The following PTPRK variants were observed in gnomAD, a reference collection of about 807,000 sequenced individuals.
PTPRK encodes receptor-type tyrosine-protein phosphatase kappa.
A neutral mutation model predicts 178.0 loss-of-function variants in PTPRK; 75 were observed. The observed-to-expected ratio is 0.42, with a 90% CI of 0.35 to 0.51. PTPRK has a LOEUF of 0.51. PTPRK is among the 20% of genes least tolerant of loss of function. PTPRK has a pLI of 0.02. For synonymous variants in PTPRK, 637 were observed against 620.6 expected (o/e 1.03, Z -0.39); for missense variants, 1,441 against 1,797.8 (o/e 0.80, Z 3.59).
chr6:128,271,294 C>T (rs977058715), intron 3 of PTPRK, among the ~76,000 whole-genome samples: 1 of 152,116 alleles, frequency 6.6e-6, no homozygotes, highest in Admixed American at 6.6e-5. Flanking sequence ...ACTCCAGAGT[C>T]AGAGCAGTGA....
At chr6:128,122,056 C>T (rs1477596890) in intron 7 of PTPRK, among the ~76,000 whole-genome samples, 1 of 152,002 alleles carries the variant, frequency 6.6e-6, no homozygotes, top group Admixed American at 6.6e-5. Flanking sequence ...TTGTTGCTGC[C>T]ATCTGTTAAT....
intron 11 of PTPRK, among the ~76,000 whole-genome samples, chr6:128,069,459 T>C (rs1186955788): frequency 6.6e-6 from 1 of 152,160 alleles, no homozygotes; most frequent in Non-Finnish European, 1.5e-5. Flanking sequence ...AGAAAATACA[T>C]ACGCATAGCC....
chr6:128,518,979 C>T (rs931660379), intron 1 of PTPRK: 1 of 493,186 alleles, frequency 2.0e-6, no homozygotes, highest in Non-Finnish European at 4.2e-6. Context: ...TCCACAACAA[C>T]GTGAGAAACT....
At chr6:128,052,969 A>C in intron 13 of PTPRK, among the ~76,000 whole-genome samples, 1 of 152,110 alleles carries the variant, frequency 6.6e-6, no homozygotes, top group Middle Eastern at 3.2e-3. Flanking sequence ...GCAAATAATA[A>C]TAATAATCTA....
chr6:128,371,109 C>T (rs542165155), intron 2 of PTPRK, among the ~76,000 whole-genome samples: 3 of 152,236 alleles, frequency 2.0e-5, no homozygotes, highest in South Asian at 4.1e-4. Flanking sequence ...AATTATACCA[C>T]GCTTTCCCAC....
At chr6:128,173,395 T>A (rs1462675226) in intron 7 of PTPRK, among the ~76,000 whole-genome samples, 1 of 151,972 alleles carries the variant, frequency 6.6e-6, no homozygotes, top group African/African-American at 2.4e-5. Context: ...TACAAGAGCA[T>A]AATTTCTAAA....
In PTPRK at chr6:128,359,744, C is replaced by G. The variant is rs112414977; in HGVS notation, c.224-37434G>C. 6.6e-3 allele frequency among the ~76,000 whole-genome samples: 996 copies of G among 151,672 alleles called. 8 individuals are homozygous for G. The highest frequency in any genetic ancestry group is 0.031 in the Middle Eastern group (9 of 294). ...TCCAGCTTGGGCAACAAGAGCGAAA[C>G]TCGGTCTCAAAAATAAAAAAAAAAT... is the stretch of plus-strand genomic sequence containing the variant. On this transcript the variant is annotated intron_variant, in intron 2 of 29. Transcript: ENST00000368226.
chr6:128,073,885 T>A (rs2114967508), intron 11 of PTPRK, among the ~76,000 whole-genome samples: 1 of 152,196 alleles, frequency 6.6e-6, no homozygotes, highest in East Asian at 1.9e-4. Flanking sequence ...CAAGATGGTT[T>A]TATTTGGAAT....
intron 13 of PTPRK, among the ~76,000 whole-genome samples, chr6:128,034,654 A>AT (rs1775910438): frequency 6.6e-6 from 1 of 152,208 alleles, no homozygotes; most frequent in Non-Finnish European, 1.5e-5. Context: ...TTAAAGTTTT[A>AT]TAATTTACAA....
chr6:128,364,656 C>T (rs931333911), intron 2 of PTPRK, among the ~76,000 whole-genome samples: 1 of 151,966 alleles, frequency 6.6e-6, no homozygotes, highest in African/African-American at 2.4e-5. Context: ...TAAATAACCT[C>T]CTCCTAAGCA....
At chr6:127,975,979 A>AC (rs1774530217) in intron 27 of PTPRK, among the ~76,000 whole-genome samples, 1 of 150,512 alleles carries the variant, frequency 6.6e-6, no homozygotes, top group African/African-American at 2.4e-5. Flanking sequence ...CTTTATTAGC[A>AC]CTTTTTTTTT....
At chr6:128,127,832 C>T (rs1793628691) in intron 7 of PTPRK, among the ~76,000 whole-genome samples, 1 of 152,178 alleles carries the variant, frequency 6.6e-6, no homozygotes, top group Non-Finnish European at 1.5e-5. Flanking sequence ...TGGTAAGCAG[C>T]AGTTAAATTT....
chr6:127,995,085 G>A (rs1436535647), intron 18 of PTPRK, among the ~76,000 whole-genome samples: 1 of 151,890 alleles, frequency 6.6e-6, no homozygotes, highest in Non-Finnish European at 1.5e-5. Flanking sequence ...AGATCTTTAC[G>A]CATGTGAAAG....
intron 1 of PTPRK, among the ~76,000 whole-genome samples, chr6:128,500,072 A>C (rs746043878): frequency 9.2e-5 from 14 of 152,190 alleles, no homozygotes; most frequent in South Asian, 2.1e-4. Context: ...TTACCTCTGA[A>C]ATACTCAGGC....
chr6:127,987,443 G>A (rs1420596371), intron 21 of PTPRK, among the ~76,000 whole-genome samples: 2 of 151,622 alleles, frequency 1.3e-5, no homozygotes, highest in East Asian at 1.9e-4. Flanking sequence ...GAACTATATC[G>A]TTCTTATTAA....
intron 3 of PTPRK, among the ~76,000 whole-genome samples, chr6:128,318,916 G>A (rs770676230): frequency 9.2e-5 from 14 of 152,094 alleles, no homozygotes; most frequent in South Asian, 2.1e-4. Flanking sequence ...CATAAAATAC[G>A]TAGAATAGCA....
chr6:128,291,410 A>G (rs1258458905), intron 3 of PTPRK, among the ~76,000 whole-genome samples: 1 of 152,168 alleles, frequency 6.6e-6, no homozygotes, highest in African/African-American at 2.4e-5. Flanking sequence ...GTAAGATTAT[A>G]AATGTAATTT....
At chr6:128,031,334 C>T (rs967129852) in intron 13 of PTPRK, among the ~76,000 whole-genome samples, 1 of 152,194 alleles carries the variant, frequency 6.6e-6, no homozygotes, top group African/African-American at 2.4e-5. Flanking sequence ...TTTCAAACTG[C>T]AGCTAAAGAT....
chr6:128,473,886 G>A (rs1223399448), intron 1 of PTPRK, among the ~76,000 whole-genome samples: 1 of 151,970 alleles, frequency 6.6e-6, no homozygotes, highest in Non-Finnish European at 1.5e-5. Flanking sequence ...AATAAACAAA[G>A]TAGAAAACAA....
Sources: allele counts gnomAD v4.1 joint callset (sites outside exome capture counted in the v4.1 genomes callset), GRCh38; gene constraint gnomAD v4.1.1; transcripts MANE v1.5; gene names NCBI Gene and HGNC (gene_info 2026-07-23, HGNC 2026-07-21).